The following RAB3GAP1 variants were observed in gnomAD, a reference collection of about 807,000 sequenced individuals.
RAB3GAP1 encodes the protein RAB3 GTPase activating protein catalytic subunit 1, also known as rab3 GTPase-activating protein catalytic subunit.
RAB3GAP1 carries 86 observed loss-of-function variants against 130.7 expected under a neutral mutation model. The observed-to-expected ratio is 0.66, with a 90% CI of 0.55 to 0.79. The LOEUF is 0.79. Ranked by LOEUF, RAB3GAP1 falls within the 30% of genes least tolerant of loss-of-function variation. RAB3GAP1 has a pLI of 0.00. For missense variants in RAB3GAP1, 1,029 were observed against 1,169.4 expected (o/e 0.88, Z 1.75); for synonymous variants, 367 against 401.7 (o/e 0.91, Z 1.03).
intron 4 of RAB3GAP1, 29 bp from the exon 5 acceptor site, chr2:135,093,586 A>G: frequency 6.4e-7 from 1 of 1,554,624 alleles, no homozygotes; most frequent in Non-Finnish European, 8.9e-7. Context: ...TGAACATACT[A>G]ACTTTTTCAT....
chr2:135,091,112 A>G lies in RAB3GAP1; in HGVS notation c.265A>G (p.Lys89Glu). The G allele has an allele frequency of 6.3e-7, 1 of 1,594,428 alleles. No homozygotes were observed. The highest frequency in any genetic ancestry group is 1.3e-5 in the African/African-American group (1 of 74,520). The change falls in exon 4 of 24, where the codon AAG becomes GAG. Residue 89 changes from lysine to glutamate, a missense_variant. Coordinates refer to ENST00000264158, the MANE Select transcript of RAB3GAP1 (RefSeq NM_012233.3). ...LVQESTDKEGKDELLEDVVPQ... is the reference protein window; with the variant it reads ...LVQESTDKEGEDELLEDVVPQ... ...ACAAGAGTCCACTGATAAAGAAGGA[A>G]AGGATGAGTTATTAGAGGGTAAGTT...
At chr2:135,163,625 T>G (rs1211957248) in intron 22 of RAB3GAP1, among the ~76,000 whole-genome samples, 1 of 152,218 alleles carries the variant, frequency 6.6e-6, no homozygotes, top group Non-Finnish European at 1.5e-5. Context: ...GGCATTCTCT[T>G]TATGAGACTC....
intron 2 of RAB3GAP1, 25 bp from the exon 3 acceptor site, chr2:135,057,986 T>G: frequency 6.6e-7 from 1 of 1,526,692 alleles, no homozygotes; most frequent in Non-Finnish European, 9.1e-7. Context: ...CTGTTGTATT[T>G]AGAAGCTTTC....
In RAB3GAP1 at chr2:135,056,933, A is replaced by G. The variant is rs569529495; in HGVS notation, c.75-1078A>G. ...TGTTGCCTTTCCATACAGTTTGACT[A>G]GAATTAACTCTAGTACTCTAGCAGT... On this transcript the variant is annotated intron_variant, in intron 2 of 23. Coordinates refer to ENST00000264158, the MANE Select transcript of RAB3GAP1 (RefSeq NM_012233.3). Among the ~76,000 whole-genome samples the G allele has an allele frequency of 8.5e-5, 13 of 152,354 alleles. No homozygotes were observed. In the East Asian group the frequency reaches 2.1e-3, roughly 25 times the overall value.
At chr2:135,095,291 G>T (rs887139554) in intron 5 of RAB3GAP1, among the ~76,000 whole-genome samples, 1 of 152,050 alleles carries the variant, frequency 6.6e-6, no homozygotes, top group South Asian at 2.1e-4. Flanking sequence ...CTCGTGATCC[G>T]CCCGCCTCGG....
At chr2:135,151,998 T>C (rs1247912134) in intron 18 of RAB3GAP1, among the ~76,000 whole-genome samples, 1 of 152,260 alleles carries the variant, frequency 6.6e-6, no homozygotes, top group Admixed American at 6.5e-5. Flanking sequence ...TATTTTGGGC[T>C]AACCTGGGTA....
At chr2:135,145,397 CAT>C (rs942960455) in intron 17 of RAB3GAP1, among the ~76,000 whole-genome samples, 7 of 139,364 alleles carry the variant, frequency 5.0e-5, no homozygotes, top group South Asian at 2.5e-4. Context: ...CACACACACA[CAT>C]ACACACACAC....
At chr2:135,079,476 T>A (rs945606907) in intron 3 of RAB3GAP1, among the ~76,000 whole-genome samples, 19 of 152,212 alleles carry the variant, frequency 1.2e-4, no homozygotes, top group African/African-American at 3.9e-4. Flanking sequence ...TAGTCTGAAC[T>A]AGGACTGATA....
At chr2:135,103,618 C>T (rs369103961) in intron 5 of RAB3GAP1, among the ~76,000 whole-genome samples, 2 of 152,108 alleles carry the variant, frequency 1.3e-5, no homozygotes, top group East Asian at 3.9e-4. Flanking sequence ...TTTCTGTCAC[C>T]TCCCCTCTTC....
At chr2:135,112,222 C>T (rs1227028193) in intron 5 of RAB3GAP1, among the ~76,000 whole-genome samples, 5 of 152,160 alleles carry the variant, frequency 3.3e-5, no homozygotes, top group East Asian at 1.9e-4. Context: ...AACCTACAGC[C>T]GATACTGCCT....
chr2:135,159,895 A>G (rs970159070), intron 19 of RAB3GAP1, among the ~76,000 whole-genome samples: 1 of 152,240 alleles, frequency 6.6e-6, no homozygotes, highest in Non-Finnish European at 1.5e-5. Context: ...AATGGGCTGC[A>G]TGTTGCGTCG....
chr2:135,071,687 G>T (rs539913307), intron 3 of RAB3GAP1, among the ~76,000 whole-genome samples: 1 of 152,308 alleles, frequency 6.6e-6, no homozygotes, highest in African/African-American at 2.4e-5. Context: ...GGGGCTACAT[G>T]CTCCCCTTCC....
chr2:135,060,782 T>A (rs548268602), intron 3 of RAB3GAP1, among the ~76,000 whole-genome samples: 1 of 151,390 alleles, frequency 6.6e-6, no homozygotes, highest in Admixed American at 6.6e-5. Context: ...CTTGGCTCAT[T>A]GCAACCTCTG....
At position 135,113,140 on chromosome 2, in the gene RAB3GAP1, C is replaced by T. The variant is rs1048936086; in HGVS notation, c.363-11C>T. 6.2e-7 allele frequency: 1 copy of T among 1,614,034 alleles called. No individual in the cohort carries two copies. Among genetic ancestry groups the T allele is most frequent in the African/African-American group, 1.3e-5 (1 of 75,008 alleles). ...TTTCCCCTGTTTAATGCAGTTAATT[C>T]TTTTTTTAAGGTATGGGCTACGTGA... On this transcript the variant is annotated splice_polypyrimidine_tract_variant and intron_variant, in intron 5 of 23. Transcript: ENST00000264158.
intron 11 of RAB3GAP1, among the ~76,000 whole-genome samples, chr2:135,129,523 G>A (rs915192201): frequency 2.0e-5 from 3 of 151,716 alleles, no homozygotes; most frequent in Middle Eastern, 3.2e-3. Context: ...ATATGTAGCA[G>A]AAACTGAAAT....
chr2:135,167,719 A>G, intron 23 of RAB3GAP1: 1 of 1,484,600 alleles, frequency 6.7e-7, no homozygotes, highest in Non-Finnish European at 9.1e-7. Context: ...ATGAGGTAAC[A>G]AAATAGCCTT....
chr2:135,080,677 TCC>T (rs1390740036), intron 3 of RAB3GAP1, among the ~76,000 whole-genome samples: 1 of 152,204 alleles, frequency 6.6e-6, no homozygotes, highest in Admixed American at 6.5e-5. Flanking sequence ...GTTGGCTGTG[TCC>T]CCTTTGCTCA....
chr2:135,077,913 G>A (rs1473968855), intron 3 of RAB3GAP1, among the ~76,000 whole-genome samples: 8 of 151,998 alleles, frequency 5.3e-5, no homozygotes, highest in Admixed American at 3.9e-4. Flanking sequence ...TTTTGTTGTC[G>A]AGTTGTAAGA....
chr2:135,111,978 T>C (rs1558781424), intron 5 of RAB3GAP1, among the ~76,000 whole-genome samples: 1 of 152,170 alleles, frequency 6.6e-6, no homozygotes, highest in African/African-American at 2.4e-5. Flanking sequence ...CTCTTAAAAA[T>C]ACTTAAAACT....
Sources: gnomAD v4.1 joint callset for allele counts (sites outside exome capture counted in the v4.1 genomes callset) on GRCh38, gnomAD v4.1.1 for gene constraint, MANE v1.5 for transcripts, NCBI Gene and HGNC (gene_info 2026-07-23, HGNC 2026-07-21) for gene names.